The following ZFAND3 variants were observed in gnomAD, a reference collection of about 807,000 sequenced individuals.
ZFAND3 encodes the protein AN1-type zinc finger protein 3.
Under a neutral mutation model 29.6 loss-of-function variants are expected in ZFAND3, and 10 were observed. That is an observed-to-expected ratio of 0.34 (90% CI 0.21 to 0.57). The LOEUF (loss-of-function observed/expected upper bound fraction) is 0.57, where lower values mean the gene tolerates loss of function less well. ZFAND3 is among the 20% of genes least tolerant of loss of function. ZFAND3 has a pLI of 0.86. For missense variants in ZFAND3, 230 were observed against 304.5 expected (o/e 0.76, Z 1.82); for synonymous variants, 128 against 112.6 (o/e 1.14, Z -0.87).
chr6:38,133,330 A>T lies in ZFAND3; in HGVS notation c.529+16591A>T, dbSNP rs147549798. On this transcript the variant is annotated intron_variant, in intron 5 of 5. Transcript: ENST00000287218. ...GACACATTAATAGACACTTGAATAC[A>T]CTGTGAGATCCCTGCGTCTTGCAGT... Among the ~76,000 whole-genome samples the T allele has an allele frequency of 3.3e-5, 5 of 152,210 alleles. 1 individual carries two copies. In the South Asian group the frequency reaches 1.0e-3, roughly 32 times the overall value.
intron 5 of ZFAND3, among the ~76,000 whole-genome samples, chr6:38,125,398 T>C (rs1269031985): frequency 6.6e-6 from 1 of 152,168 alleles, no homozygotes; most frequent in East Asian, 1.9e-4. Flanking sequence ...GCCTACCCTA[T>C]GTTCTTTGAC....
At chr6:38,050,206 C>T (rs528474290) in intron 2 of ZFAND3, among the ~76,000 whole-genome samples, 6 of 152,024 alleles carry the variant, frequency 3.9e-5, no homozygotes, top group African/African-American at 1.2e-4. Context: ...CCACCCACCT[C>T]GGCCTTCCAA....
intron 2 of ZFAND3, among the ~76,000 whole-genome samples, chr6:37,942,485 G>C (rs1581780179): frequency 6.6e-6 from 1 of 152,038 alleles, no homozygotes; most frequent in East Asian, 1.9e-4. Context: ...GTTTAGGAAG[G>C]TGAGGGTATA....
At chr6:38,095,007 A>G (rs554153943) in intron 4 of ZFAND3, among the ~76,000 whole-genome samples, 1 of 151,790 alleles carries the variant, frequency 6.6e-6, no homozygotes, top group African/African-American at 2.4e-5. Flanking sequence ...GGGATACTCA[A>G]CCTGTATTTA....
At chr6:37,874,030 A>C (rs1234380197) in intron 1 of ZFAND3, among the ~76,000 whole-genome samples, 2 of 152,218 alleles carry the variant, frequency 1.3e-5, no homozygotes, top group African/African-American at 4.8e-5. Flanking sequence ...CTTAAGCAAC[A>C]GAAATTTATT....
In ZFAND3 at chr6:37,829,530, G is replaced by A. The variant is rs917499453; in HGVS notation, c.71+9514G>A. 9.8e-5 allele frequency among the ~76,000 whole-genome samples: 15 copies of A among 152,310 alleles called. 1 individual carries two copies. Among genetic ancestry groups the A allele is most frequent in the Admixed American group, 3.9e-4 (6 of 15,308 alleles). On this transcript the variant is annotated intron_variant, in intron 1 of 5. Coordinates refer to ENST00000287218, the MANE Select transcript of ZFAND3 (RefSeq NM_021943.3). ...AGCCTGGGCAATAGAGTGAGACTCCGGCTCGAAAAATGAAATGAAATAAAA... is the reference window on the plus strand; with the variant it reads ...AGCCTGGGCAATAGAGTGAGACTCCAGCTCGAAAAATGAAATGAAATAAAA...
At chr6:38,003,601 C>T (rs1581830713) in intron 2 of ZFAND3, 2 of 264,794 alleles carry the variant, frequency 7.6e-6, no homozygotes, top group East Asian at 2.9e-4. Flanking sequence ...TGGGCTCTAG[C>T]AATCCTCCCA....
chr6:38,090,756 T>C (rs1478028336), intron 4 of ZFAND3, among the ~76,000 whole-genome samples: 1 of 152,188 alleles, frequency 6.6e-6, no homozygotes, highest in Non-Finnish European at 1.5e-5. Flanking sequence ...TGTTGAAGAA[T>C]AGAATGAAGG....
Position 38,153,983 on chromosome 6 carries a change from C to G in ZFAND3, c.*1594C>G. ...CTGCAACTGCAAATGTTTTTTGATC[C>G]GACGTACTGAAATAGGAAGTCATGC... On this transcript the variant is annotated 3_prime_UTR_variant, in exon 6 of 6. Transcript: ENST00000287218. 1 of 985,450 alleles carries G rather than the reference C, an allele frequency of 1.0e-6. No individual in the cohort carries two copies. Among genetic ancestry groups the G allele is most frequent in the Non-Finnish European group, 1.2e-6 (1 of 829,924 alleles). The allele number at this position is 985,450 out of a possible 1,614,324, so 61.0% of individuals were successfully genotyped here.
intron 5 of ZFAND3, among the ~76,000 whole-genome samples, chr6:38,134,122 A>G (rs950378320): frequency 6.6e-6 from 1 of 152,156 alleles, no homozygotes; most frequent in Non-Finnish European, 1.5e-5. Context: ...CCCGAATGCC[A>G]CATCTAGATA....
chr6:38,072,543 C>G (rs2127467535), intron 3 of ZFAND3, among the ~76,000 whole-genome samples: 1 of 152,248 alleles, frequency 6.6e-6, no homozygotes, highest in Middle Eastern at 3.4e-3. Context: ...AGCTTTAGCT[C>G]TTGCACTCGT....
At chr6:37,823,141 T>A (rs973204150) in intron 1 of ZFAND3, among the ~76,000 whole-genome samples, 1 of 152,196 alleles carries the variant, frequency 6.6e-6, no homozygotes, top group African/African-American at 2.4e-5. Flanking sequence ...ATGAATGTGA[T>A]ATACGTGTTT....
chr6:38,094,238 A>G (rs145829757), intron 4 of ZFAND3, among the ~76,000 whole-genome samples: 21 of 152,302 alleles, frequency 1.4e-4, no homozygotes, highest in African/African-American at 4.6e-4. Context: ...TAGCATCTAC[A>G]AGTAGTAGCT....
At chr6:38,131,388 C>A (rs548669771) in intron 5 of ZFAND3, among the ~76,000 whole-genome samples, 3 of 152,218 alleles carry the variant, frequency 2.0e-5, no homozygotes, top group African/African-American at 7.2e-5. Flanking sequence ...CTCAGCCCAG[C>A]GCTTTAGAGT....
intron 2 of ZFAND3, among the ~76,000 whole-genome samples, chr6:38,004,532 T>C (rs1763009510): frequency 1.7e-5 from 1 of 57,254 alleles, no homozygotes. Flanking sequence ...GCTAAAGCTG[T>C]CTACACACAC....
At chr6:38,082,252 A>C in intron 3 of ZFAND3, 140 bp from the exon 4 acceptor site, 2 of 681,722 alleles carry the variant, frequency 2.9e-6, no homozygotes, top group Non-Finnish European at 4.8e-6. Context: ...ACCCACCACC[A>C]CCGTCTTTCC....
intron 1 of ZFAND3, among the ~76,000 whole-genome samples, chr6:37,906,497 C>G (rs1765409729): frequency 1.3e-5 from 2 of 152,094 alleles, no homozygotes; most frequent in Admixed American, 1.3e-4. Context: ...CACGAACATG[C>G]ATGTATAAGT....
intron 2 of ZFAND3, among the ~76,000 whole-genome samples, chr6:37,967,857 C>G (rs904927404): frequency 4.6e-5 from 7 of 152,170 alleles, no homozygotes; most frequent in Non-Finnish European, 8.8e-5. Context: ...CCAGACACTT[C>G]CCCTTTTTTG....
At chr6:38,082,903 A>C (rs1438713673) in intron 4 of ZFAND3, among the ~76,000 whole-genome samples, 1 of 152,140 alleles carries the variant, frequency 6.6e-6, no homozygotes, top group Non-Finnish European at 1.5e-5. Flanking sequence ...GATATACTGA[A>C]ATTTCTCTTC....
Sources: allele counts gnomAD v4.1 joint callset (sites outside exome capture counted in the v4.1 genomes callset), GRCh38; gene constraint gnomAD v4.1.1; transcripts MANE v1.5; gene names NCBI Gene and HGNC (gene_info 2026-07-23, HGNC 2026-07-21).